DNAH7: variants seen among roughly 807,000 people sequenced by gnomAD.
DNAH7 encodes the protein dynein axonemal heavy chain 7.
Under a neutral mutation model 444.6 loss-of-function variants are expected in DNAH7, and 397 were observed. The ratio of observed to expected loss-of-function variants is 0.89; its 90% CI spans 0.82 to 0.97. The LOEUF is 0.97. Among genes scored for constraint, DNAH7 ranks in the 50% least tolerant of loss-of-function variants. DNAH7 has a pLI of 0.00. For synonymous variants in DNAH7, 1,636 were observed against 1,624.4 expected (o/e 1.01, Z -0.17); for missense variants, 4,902 against 4,800.8 (o/e 1.02, Z -0.62).
chr2:195,783,596 A>G (rs1197328271), intron 58 of DNAH7, among the ~76,000 whole-genome samples: 1 of 152,182 alleles, frequency 6.6e-6, no homozygotes, highest in Middle Eastern at 3.2e-3. Context: ...CTACTCCCAC[A>G]TGACCACATT....
rs185524941 is a variant in DNAH7 at position 196,057,363 on chromosome 2, G to A, written c.78+691C>T. Among the ~76,000 whole-genome samples, 492 of 152,042 alleles carry A rather than the reference G, an allele frequency of 3.2e-3. 4 individuals carry two copies. Among genetic ancestry groups the A allele is most frequent in the African/African-American group, 0.011 (457 of 41,476 alleles). On this transcript the variant is annotated intron_variant, in intron 2 of 64. Coordinates refer to ENST00000312428, the MANE Select transcript of DNAH7 (RefSeq NM_018897.3). ...CAGCAAGTAAATTTAAATTTAACAC[G>A]CCAAAAAAGCTAATACCTTTTTTCA...
rs2124915050 is a variant in DNAH7, at chr2:195,824,255, C to T, written c.9291G>A (p.Lys3097=). ...NPHYLPETSV[K]VTLLNFMITP... is the part of the protein sequence containing the mutation. ...AGAAACATTCATTTTATATACTGGC[C>T]TTTACTGATGTTTCAGGAAGATAAT... Residue 3097 remains lysine, a splice_region_variant and synonymous_variant, in exon 49 of 65, where the codon AAG becomes AAA. Transcript: ENST00000312428. 1 of 1,610,210 alleles carries T rather than the reference C, an allele frequency of 6.2e-7. No homozygotes were observed. Among genetic ancestry groups the T allele is most frequent in the East Asian group, 2.2e-5 (1 of 44,770 alleles).
At position 196,024,511 on chromosome 2, in the gene DNAH7, G is replaced by T. The variant is rs1348117755; in HGVS notation, c.668-7C>A. 5 of 1,534,318 alleles carry T rather than the reference G, an allele frequency of 3.3e-6. No individual in the cohort carries two copies. The African/African-American group carries it at 7.0e-5, about 22-fold the overall frequency. Reference sequence around the variant, plus strand: ...TCTTTTAAAACAAAATCAACTAAAAGAAAATTTTAAAATTCTGATAAATAA... The same window carrying T: ...TCTTTTAAAACAAAATCAACTAAAATAAAATTTTAAAATTCTGATAAATAA... On this transcript the variant is annotated splice_region_variant and splice_polypyrimidine_tract_variant and intron_variant, in intron 7 of 64. Coordinates refer to ENST00000312428, the MANE Select transcript of DNAH7 (RefSeq NM_018897.3).
At chr2:195,863,236 A>C (rs1700125871) in intron 41 of DNAH7, among the ~76,000 whole-genome samples, 1 of 152,244 alleles carries the variant, frequency 6.6e-6, no homozygotes, top group Non-Finnish European at 1.5e-5. Context: ...TGCATGAAAT[A>C]ATTAATTTTA....
intron 49 of DNAH7, among the ~76,000 whole-genome samples, chr2:195,820,292 T>C (rs1697398818): frequency 6.6e-6 from 1 of 151,578 alleles, no homozygotes. Context: ...CTGGGGCCTG[T>C]TGGGGGGTAT....
At position 195,861,859 on chromosome 2, in the gene DNAH7, C is replaced by T. The variant is rs567370667; in HGVS notation, c.7594G>A (p.Asp2532Asn). 8.9e-5 allele frequency: 143 copies of T among 1,613,696 alleles called. No homozygotes were observed. The highest frequency in any genetic ancestry group is 1.2e-4 in the Non-Finnish European group (136 of 1,179,826). The change falls in exon 42 of 65, where the codon GAC (aspartate) becomes AAC (asparagine). Residue 2532 changes from aspartate (D) to asparagine (N), a missense_variant. Asp to Asn is a conservative substitution (Grantham distance 23, BLOSUM62 1). Transcript: ENST00000312428. ...MSEEIRDGCIDMCKSFHTSTI... is the reference protein window; with the variant it reads ...MSEEIRDGCINMCKSFHTSTI... ...GAAGTGTGGAAGCTTTTACACATGT[C>T]GATACAGCCATCTCGTATTTCCTCT...
intron 42 of DNAH7, 100 bp downstream of exon 42, chr2:195,861,617 T>C (rs1179166595): frequency 1.2e-6 from 1 of 814,824 alleles, no homozygotes; most frequent in African/African-American, 1.7e-5. Context: ...TACAGTATAT[T>C]TCTACGAAAT....
At chr2:195,828,082 C>A (rs1246362364) in intron 48 of DNAH7, among the ~76,000 whole-genome samples, 2 of 152,012 alleles carry the variant, frequency 1.3e-5, no homozygotes, top group African/African-American at 4.8e-5. Flanking sequence ...TAAACAAATC[C>A]TAGACATCAT....
Position 195,806,763 on chromosome 2 carries a change from T to A in DNAH7, c.10153A>T (p.Ile3385Phe). The change falls in exon 54 of 65, where the codon ATT (isoleucine) becomes TTT (phenylalanine). Residue 3385 changes from isoleucine (I) to phenylalanine (F), a missense_variant. By Grantham distance (21) the Ile-to-Phe change is conservative. Transcript: ENST00000312428. ...KANEFQRMLI[I>F]RCLRPDKVIP... ...ACCTTGTCTGGCCTCAAGCAACGAA[T>A]AATAAGCATCCTTTGAAACTCATTT... is the stretch of plus-strand genomic sequence containing the variant. 1 of 1,613,604 alleles carries A rather than the reference T, an allele frequency of 6.2e-7. No homozygotes were observed. Among genetic ancestry groups the A allele is most frequent in the Non-Finnish European group, 8.5e-7 (1 of 1,179,670 alleles).
chr2:195,789,361 C>T (rs541992915), intron 57 of DNAH7, among the ~76,000 whole-genome samples: 6 of 151,998 alleles, frequency 3.9e-5, no homozygotes, highest in Admixed American at 6.6e-5. Flanking sequence ...AAACAAATGG[C>T]GGAGAAGGGA....
chr2:195,969,268 C>T (rs373231292), intron 17 of DNAH7, among the ~76,000 whole-genome samples: 18 of 152,250 alleles, frequency 1.2e-4, no homozygotes, highest in East Asian at 1.2e-3. Context: ...ATTTTCTCCA[C>T]GTATGTTGAC....
At chr2:195,964,080 T>C (rs529170306) in intron 17 of DNAH7, among the ~76,000 whole-genome samples, 2 of 152,334 alleles carry the variant, frequency 1.3e-5, no homozygotes, top group South Asian at 4.1e-4. Flanking sequence ...CAAGATAGCT[T>C]TGGCTATTCT....
At chr2:195,995,396 A>G (rs1693632987) in intron 12 of DNAH7, 3 of 496,146 alleles carry the variant, frequency 6.0e-6, no homozygotes, top group Admixed American at 4.3e-5. Context: ...GGGATGTATC[A>G]TATGGCGTTT....
At chr2:195,810,450 C>T (rs570509252) in intron 51 of DNAH7, among the ~76,000 whole-genome samples, 3 of 152,204 alleles carry the variant, frequency 2.0e-5, no homozygotes, top group Admixed American at 6.5e-5. Context: ...CTCTGTCACC[C>T]AGGTTGGAGT....
At chr2:195,842,471 T>C (rs1698744132) in intron 47 of DNAH7, among the ~76,000 whole-genome samples, 1 of 152,090 alleles carries the variant, frequency 6.6e-6, no homozygotes, top group African/African-American at 2.4e-5. Flanking sequence ...AAGAGGGCAC[T>C]GCACAGGTAA....
At chr2:196,057,946 T>C (rs1390436461) in intron 2 of DNAH7, 108 bp downstream of exon 2, 1 of 862,152 alleles carries the variant, frequency 1.2e-6, no homozygotes, top group Admixed American at 3.0e-5. Context: ...AATTTAAAAT[T>C]GTATAAAATT....
At chr2:195,785,346 T>TG (rs1695568381) in intron 58 of DNAH7, among the ~76,000 whole-genome samples, 3 of 152,148 alleles carry the variant, frequency 2.0e-5, no homozygotes, top group Non-Finnish European at 4.4e-5. Flanking sequence ...TGTGTGTGTG[T>TG]TTTTAATTTA....
At chr2:195,981,800 T>G (rs182320775) in intron 15 of DNAH7, among the ~76,000 whole-genome samples, 1 of 152,266 alleles carries the variant, frequency 6.6e-6, no homozygotes, top group Non-Finnish European at 1.5e-5. Context: ...TCTCAACATA[T>G]ACAAAAATCA....
rs754133606 is a variant in DNAH7, at chr2:195,981,573, G to A, written c.1833+3059C>T. Among the ~76,000 whole-genome samples, 46 of 152,126 alleles carry A rather than the reference G, an allele frequency of 3.0e-4. 1 individual carries two copies. The highest frequency in any genetic ancestry group is 4.7e-4 in the Non-Finnish European group (32 of 68,020). On this transcript the variant is annotated intron_variant, in intron 15 of 64. Coordinates refer to ENST00000312428, the MANE Select transcript of DNAH7 (RefSeq NM_018897.3). ...ACCTGATTAGAAATTATACTATAGA[G>A]CTACAGTAACCAAAATAGCATGGTG... is the stretch of plus-strand genomic sequence containing the variant.
Sources: allele counts gnomAD v4.1 joint callset (sites outside exome capture counted in the v4.1 genomes callset), GRCh38; gene constraint gnomAD v4.1.1; transcripts MANE v1.5; gene names NCBI Gene and HGNC (gene_info 2026-07-23, HGNC 2026-07-21).